Variants in DOCK11 observed in about 807,000 individuals in gnomAD.
DOCK11 encodes dedicator of cytokinesis protein 11.
A neutral mutation model predicts 169.1 loss-of-function variants in DOCK11; 70 were observed. The observed-to-expected ratio is 0.41, with a 90% CI of 0.34 to 0.51. The LOEUF (loss-of-function observed/expected upper bound fraction) is 0.51. DOCK11 is among the 20% of genes least tolerant of loss of function. The pLI is 0.10. For synonymous variants in DOCK11, 529 were observed against 541.3 expected (o/e 0.98, Z 0.32); for missense variants, 1,166 against 1,538.8 (o/e 0.76, Z 4.05).
At chrX:118,525,558 CAG>C (rs2011355892) in intron 1 of DOCK11, among the ~76,000 whole-genome samples, 1 of 111,266 alleles carries the variant, frequency 9.0e-6, no homozygotes, top group South Asian at 3.7e-4. Flanking sequence ...TGAATGCGTA[CAG>C]AGTTTCTCTT....
Position 118,579,773 on chromosome X carries a change from T to A in DOCK11, c.1513-324T>A, listed in dbSNP as rs2013566127. On this transcript the variant is annotated intron_variant, in intron 13 of 52. Coordinates refer to ENST00000276202, the MANE Select transcript of DOCK11 (RefSeq NM_144658.4). ...CTCCCAAGAATGATGAGCATTTGCC[T>A]GCTATGTGAAGTAAAGTACATGTTA... Among the ~76,000 whole-genome samples, 5 of 112,076 alleles carry A rather than the reference T, an allele frequency of 4.5e-5. No individual in the cohort carries two copies. The East Asian group carries it at 8.4e-4, about 19-fold the overall frequency.
At chrX:118,539,412 G>C (rs1925146094) in intron 1 of DOCK11, among the ~76,000 whole-genome samples, 1 of 111,273 alleles carries the variant, frequency 9.0e-6, no homozygotes, top group African/African-American at 3.3e-5. Flanking sequence ...AGGGTAGAAT[G>C]GTGGTTACCA....
chrX:118,679,949 C>T (rs1569448651), intron 48 of DOCK11, among the ~76,000 whole-genome samples: 2 of 65,164 alleles, frequency 3.1e-5, no homozygotes, highest in African/African-American at 1.4e-4. Context: ...TTTTTGGAGA[C>T]AGAGTTTCAC....
intron 44 of DOCK11, among the ~76,000 whole-genome samples, chrX:118,662,321 A>G (rs770799674): frequency 1.8e-5 from 2 of 112,293 alleles, no homozygotes; most frequent in Non-Finnish European, 3.8e-5. Context: ...CTTAGTGGTT[A>G]CCTGAAAAGT....
At position 118,608,220 on chromosome X, in the gene DOCK11, T is replaced by C. The variant is rs201070096; in HGVS notation, c.2752-11T>C. The C allele has an allele frequency of 2.6e-5, 31 of 1,194,425 alleles. No individual in the cohort carries two copies. The East Asian group carries it at 8.9e-4, about 34-fold the overall frequency. ...CTTACAGTTCATTTTTTTTTGTTTG[T>C]TTATTTGTAGTATAGCTTCCGACCT... On this transcript the variant is annotated splice_polypyrimidine_tract_variant and intron_variant, in intron 25 of 52. Coordinates refer to ENST00000276202, the MANE Select transcript of DOCK11 (RefSeq NM_144658.4).
At chrX:118,566,263 AGAG>A in intron 8 of DOCK11, 81 bp downstream of exon 8, 2 of 910,895 alleles carry the variant, frequency 2.2e-6, no homozygotes, top group Non-Finnish European at 1.5e-6. Context: ...CAGGGTGAGT[AGAG>A]AACTCTTAAT....
chrX:118,657,841 G>A (rs12393518), intron 44 of DOCK11, among the ~76,000 whole-genome samples: 33,716 of 109,576 alleles, frequency 0.31, 4,073 homozygotes, highest in African/African-American at 0.44. Flanking sequence ...GGGGGTGGGG[G>A]CCAGGGAGGA....
At chrX:118,657,549 C>A (rs980878687) in intron 44 of DOCK11, among the ~76,000 whole-genome samples, 4 of 111,789 alleles carry the variant, frequency 3.6e-5, no homozygotes, top group Non-Finnish European at 7.5e-5. Context: ...ATTAGAAAAC[C>A]TTATTCTAAA....
intron 51 of DOCK11, 145 bp downstream of exon 51, chrX:118,681,939 A>T: frequency 2.6e-6 from 1 of 389,868 alleles, no homozygotes; most frequent in Non-Finnish European, 4.3e-6. Flanking sequence ...GTGACCTCCT[A>T]ATGGCACTTT....
At position 118,542,892 on chromosome X, in the gene DOCK11, A is replaced by G. The variant is rs761849973; in HGVS notation, c.220-34A>G. 7.5e-6 allele frequency: 9 copies of G among 1,201,075 alleles called. No individual in the cohort carries two copies. In the East Asian group the frequency reaches 1.2e-4, roughly 16 times the overall value. On this transcript the variant is annotated intron_variant, in intron 2 of 52. Transcript: ENST00000276202. ...GAAAAAAACCCCTATTTTTCAAGCC[A>G]GTTCTTACAGCAAAAATGTTCTTTG...
At chrX:118,600,421 A>AAAAAG (rs779371070) in intron 23 of DOCK11, among the ~76,000 whole-genome samples, 21,384 of 105,290 alleles carry the variant, frequency 0.2, 1,991 homozygotes, top group East Asian at 0.33. Context: ...AAAAAAAAAA[A>AAAAAG]AAAGAAAAAA....
chrX:118,551,479 G>C (rs1160538299), intron 6 of DOCK11, among the ~76,000 whole-genome samples: 1 of 112,079 alleles, frequency 8.9e-6, no homozygotes, highest in Admixed American at 9.5e-5. Context: ...CAGGAAGATG[G>C]CTTGAGTTTG....
At chrX:118,598,242 A>G in intron 22 of DOCK11, 126 bp downstream of exon 22, 2 of 469,084 alleles carry the variant, frequency 4.3e-6, no homozygotes, top group Non-Finnish European at 7.2e-6. Flanking sequence ...TAGTAATAAC[A>G]TCTGTCCAGG....
chrX:118,527,055 C>T, intron 1 of DOCK11, among the ~76,000 whole-genome samples: 1 of 112,137 alleles, frequency 8.9e-6, no homozygotes, highest in Non-Finnish European at 1.9e-5. Context: ...TGCTCTAAAA[C>T]CCAGGAATTT....
rs1160164623 is a variant in DOCK11, at chrX:118,597,461, A to G, written c.2294A>G (p.Asp765Gly). Residue 765 changes from aspartate (D) to glycine (G), a missense_variant, in exon 21 of 53, where the codon GAT becomes GGT. Physicochemically the swap from Asp to Gly is moderately conservative, Grantham distance 94. Transcript: ENST00000276202. ...TTTGCCTGGGTACCTTTGCTGAAAG[A>G]TGGTAGAATCATCACATTTGAGCAG... is the stretch of plus-strand genomic sequence containing the variant. Reference protein sequence around the residue: ...VGFAWVPLLKDGRIITFEQQL... With the variant: ...VGFAWVPLLKGGRIITFEQQL... The G allele has an allele frequency of 5.0e-6, 6 of 1,211,553 alleles. No individual in the cohort carries two copies. Among genetic ancestry groups the G allele is most frequent in the East Asian group, 3.0e-5 (1 of 33,869 alleles).
chrX:118,508,594 C>T lies in DOCK11; in HGVS notation c.102+12521C>T, dbSNP rs746220541. 7.2e-5 allele frequency among the ~76,000 whole-genome samples: 8 copies of T among 111,033 alleles called. No individual in the cohort carries two copies. The South Asian group carries it at 3.3e-3, about 45-fold the overall frequency. On this transcript the variant is annotated intron_variant, in intron 1 of 52. Transcript: ENST00000276202. ...AAGTTCAAGAAGGTTCTAAATCAAC[C>T]GGTACATACATGGAACTGAATCGTT...
At chrX:118,649,805 G>A (rs755051140) in intron 41 of DOCK11, among the ~76,000 whole-genome samples, 4 of 111,497 alleles carry the variant, frequency 3.6e-5, no homozygotes, top group East Asian at 2.8e-4. Flanking sequence ...ATGAGCCACC[G>A]TGCCCAGTCT....
intron 1 of DOCK11, among the ~76,000 whole-genome samples, chrX:118,506,138 C>A (rs1310726160): frequency 9.1e-6 from 1 of 110,235 alleles, no homozygotes; most frequent in Non-Finnish European, 1.9e-5. Flanking sequence ...TGCGTGTAGT[C>A]CAGCTACTTG....
chrX:118,658,248 C>G (rs755255543), intron 44 of DOCK11, among the ~76,000 whole-genome samples: 9 of 112,342 alleles, frequency 8.0e-5, no homozygotes, highest in Admixed American at 2.8e-4. Flanking sequence ...TGATACATAT[C>G]CATTGCCAAA....
Sources: gnomAD v4.1 joint callset for allele counts (sites outside exome capture counted in the v4.1 genomes callset) on GRCh38, gnomAD v4.1.1 for gene constraint, MANE v1.5 for transcripts, NCBI Gene and HGNC (gene_info 2026-07-23, HGNC 2026-07-21) for gene names.